Variants in STAU2 observed in about 807,000 individuals in gnomAD.
The protein encoded by STAU2 is staufen double-stranded RNA binding protein 2.
A neutral mutation model predicts 65.9 loss-of-function variants in STAU2; 20 were observed. That is an observed-to-expected ratio of 0.30 (90% CI 0.21 to 0.44). STAU2 has a LOEUF of 0.44. STAU2 is among the 20% of genes least tolerant of loss of function. The pLI is 1.00. For synonymous variants in STAU2, 232 were observed against 233.9 expected, an observed-to-expected ratio of 0.99 and a Z score of 0.07; for missense variants, 558 against 683.9, an observed-to-expected ratio of 0.82 and a Z score of 2.05.
At chr8:73,585,060 G>A (rs1810261520) in intron 11 of STAU2, among the ~76,000 whole-genome samples, 1 of 152,184 alleles carries the variant, frequency 6.6e-6, no homozygotes, top group Non-Finnish European at 1.5e-5. Flanking sequence ...TCCTGGAGCA[G>A]TTCTACAATT....
chr8:73,745,714 CCTCT>C (rs1319965697), intron 1 of STAU2, among the ~76,000 whole-genome samples: 1 of 152,114 alleles, frequency 6.6e-6, no homozygotes, highest in African/African-American at 2.4e-5. Flanking sequence ...TTGAATGGTC[CCTCT>C]CTATCTGCTC....
intron 2 of STAU2, among the ~76,000 whole-genome samples, chr8:73,739,232 C>CA (rs34324889): frequency 0.73 from 77,280 of 106,282 alleles, 26,802 homozygotes; most frequent in Non-Finnish European, 0.77. Flanking sequence ...GACTCCATCT[C>CA]AAAAAAAAAA....
At position 73,462,044 on chromosome 8, in the gene STAU2, G is replaced by A. The variant is rs538370633; in HGVS notation, c.1531-39342C>T. ...GAATGACTTTTTGTTCACATCTATC[G>A]GTAAAAAAATTTCACCTATTTTATT... On this transcript the variant is annotated intron_variant, in intron 13 of 14. Transcript: ENST00000524300. 4.6e-5 allele frequency among the ~76,000 whole-genome samples: 7 copies of A among 151,116 alleles called. No individual in the cohort carries two copies. In the East Asian group the frequency reaches 9.9e-4, roughly 21 times the overall value.
intron 3 of STAU2, among the ~76,000 whole-genome samples, chr8:73,719,614 C>T (rs188139175): frequency 1.3e-5 from 2 of 152,298 alleles, no homozygotes; most frequent in African/African-American, 4.8e-5. Flanking sequence ...TGTTAAATTA[C>T]ACTACTGATT....
intron 13 of STAU2, among the ~76,000 whole-genome samples, chr8:73,489,804 A>T (rs28473464): frequency 1.7e-4 from 26 of 152,196 alleles, no homozygotes; most frequent in African/African-American, 6.3e-4. Flanking sequence ...AGAGTTTTAT[A>T]GACTCAGTTC....
chr8:73,713,644 A>C (rs1440967082), intron 3 of STAU2, among the ~76,000 whole-genome samples: 2 of 152,122 alleles, frequency 1.3e-5, no homozygotes, highest in Non-Finnish European at 2.9e-5. Flanking sequence ...ATAAAACAAC[A>C]TAACTTTCTG....
chr8:73,740,013 C>G, intron 1 of STAU2, 145 bp from the exon 2 acceptor site: 1 of 542,102 alleles, frequency 1.8e-6, no homozygotes, highest in Non-Finnish European at 3.3e-6. Flanking sequence ...GCCCATATGG[C>G]AAAGAACTGA....
intron 4 of STAU2, among the ~76,000 whole-genome samples, chr8:73,703,713 T>TA (rs956787246): frequency 6.6e-6 from 1 of 152,166 alleles, no homozygotes; most frequent in African/African-American, 2.4e-5. Flanking sequence ...TAGGAGTACA[T>TA]ACCACTATAT....
chr8:73,614,530 C>CA (rs1383536116), intron 8 of STAU2, among the ~76,000 whole-genome samples: 1 of 151,824 alleles, frequency 6.6e-6, no homozygotes, highest in Non-Finnish European at 1.5e-5. Context: ...GTAGGTATGC[C>CA]AAAAAAATTC....
intron 13 of STAU2, among the ~76,000 whole-genome samples, chr8:73,444,052 C>G (rs1818336518): frequency 6.6e-6 from 1 of 152,082 alleles, no homozygotes; most frequent in African/African-American, 2.4e-5. Flanking sequence ...TTATCGTCCT[C>G]TCCTTTTAGC....
chr8:73,500,720 CAT>C (rs142244659), intron 13 of STAU2, among the ~76,000 whole-genome samples: 2,834 of 151,874 alleles, frequency 0.019, 77 homozygotes, highest in African/African-American at 0.066. Flanking sequence ...TTACTCTGTT[CAT>C]ATGTTTAGAA....
At chr8:73,649,869 T>TA (rs1815708313) in intron 6 of STAU2, among the ~76,000 whole-genome samples, 4 of 71,654 alleles carry the variant, frequency 5.6e-5, no homozygotes, top group African/African-American at 2.2e-4. Flanking sequence ...CTATATAATT[T>TA]TATATATATA....
chr8:73,467,002 T>G (rs1465662079), intron 13 of STAU2, among the ~76,000 whole-genome samples: 1 of 152,202 alleles, frequency 6.6e-6, no homozygotes, highest in Non-Finnish European at 1.5e-5. Flanking sequence ...CGTTTGTCTT[T>G]CAAGGCCTTA....
chr8:73,566,789 G>A (rs1808643309), intron 12 of STAU2, among the ~76,000 whole-genome samples: 1 of 152,120 alleles, frequency 6.6e-6, no homozygotes, highest in Non-Finnish European at 1.5e-5. Flanking sequence ...GCCTCCTTAT[G>A]TTGTTTTTCT....
At chr8:73,440,053 T>C (rs1818021842) in intron 13 of STAU2, 1 of 152,262 alleles carries the variant, frequency 6.6e-6, no homozygotes, top group Non-Finnish European at 1.5e-5. Flanking sequence ...CCGCTTCCAT[T>C]TTTTTCTTAA....
At chr8:73,564,456 G>C (rs999724938) in intron 12 of STAU2, among the ~76,000 whole-genome samples, 2 of 152,108 alleles carry the variant, frequency 1.3e-5, no homozygotes, top group South Asian at 4.1e-4. Context: ...TGAACACATA[G>C]AGGGGAATAA....
chr8:73,637,956 A>G (rs1339744893), intron 6 of STAU2, among the ~76,000 whole-genome samples: 1 of 152,052 alleles, frequency 6.6e-6, no homozygotes, highest in Non-Finnish European at 1.5e-5. Context: ...CAGTTTAGAA[A>G]AAATAATGCA....
At chr8:73,623,881 CTG>C (rs1586144302) in intron 6 of STAU2, among the ~76,000 whole-genome samples, 2 of 151,638 alleles carry the variant, frequency 1.3e-5, no homozygotes, top group African/African-American at 4.8e-5. Context: ...TGAGATCTAA[CTG>C]TTAATTCTTG....
chr8:73,626,050 A>G (rs1483622493), intron 6 of STAU2, among the ~76,000 whole-genome samples: 1 of 150,598 alleles, frequency 6.6e-6, no homozygotes, highest in East Asian at 1.9e-4. Context: ...GCCCTCAGGA[A>G]ACTATCAATC....
Sources: gnomAD v4.1 joint callset for allele counts (sites outside exome capture counted in the v4.1 genomes callset) on GRCh38, gnomAD v4.1.1 for gene constraint, MANE v1.5 for transcripts, NCBI Gene and HGNC (gene_info 2026-07-23, HGNC 2026-07-21) for gene names.